Variants in WDR41 observed in about 807,000 individuals in gnomAD.
WDR41 encodes the protein WD repeat-containing protein 41.
Under a neutral mutation model 69.3 loss-of-function variants are expected in WDR41, and 63 were observed. The observed-to-expected ratio is 0.91, with a 90% CI of 0.74 to 1.12. WDR41 has a LOEUF of 1.12. Among genes scored for constraint, WDR41 ranks in the 50% most tolerant of loss-of-function variants. The pLI is 0.00. For synonymous variants in WDR41, 185 were observed against 192.1 expected (o/e 0.96, Z 0.31); for missense variants, 543 against 534.5 (o/e 1.02, Z -0.16).
intron 2 of WDR41, among the ~76,000 whole-genome samples, chr5:77,470,555 A>G (rs1219120976): frequency 2.0e-5 from 3 of 152,178 alleles, no homozygotes; most frequent in Admixed American, 6.5e-5. Flanking sequence ...GGAGACACAC[A>G]TAGGCTCAAA....
At chr5:77,469,814 A>C (rs1800487421) in intron 2 of WDR41, among the ~76,000 whole-genome samples, 1 of 152,194 alleles carries the variant, frequency 6.6e-6, no homozygotes, top group African/African-American at 2.4e-5. Flanking sequence ...GGTGTAACTG[A>C]AAGTGACAGG....
intron 1 of WDR41, among the ~76,000 whole-genome samples, chr5:77,506,118 A>T (rs980505210): frequency 1.3e-5 from 2 of 152,220 alleles, no homozygotes; most frequent in Admixed American, 6.5e-5. Context: ...GAATGCGAGA[A>T]AATTTTTGCA....
chr5:77,514,814 G>GT (rs55645188), intron 1 of WDR41, among the ~76,000 whole-genome samples: 8,219 of 152,220 alleles, frequency 0.054, 364 homozygotes, highest in Admixed American at 0.13. Context: ...GTAGGCAATT[G>GT]TAACACAATG....
intron 1 of WDR41, among the ~76,000 whole-genome samples, chr5:77,615,236 A>G (rs114881307): frequency 0.011 from 1,734 of 152,334 alleles, 33 homozygotes; most frequent in African/African-American, 0.04. Context: ...GACTCAAACT[A>G]ACTCTAAAGA....
chr5:77,526,241 C>G (rs1229798493), intron 1 of WDR41, among the ~76,000 whole-genome samples: 2 of 151,820 alleles, frequency 1.3e-5, no homozygotes, highest in Non-Finnish European at 2.9e-5. Context: ...TATTTTAAGG[C>G]AAATTTCTGA....
At chr5:77,469,979 G>A (rs931943175) in intron 2 of WDR41, among the ~76,000 whole-genome samples, 57 of 151,062 alleles carry the variant, frequency 3.8e-4, no homozygotes, top group Admixed American at 6.6e-4. Flanking sequence ...ATAATTGTCA[G>A]ATTCACCAAA....
chr5:77,544,399 C>A (rs1050843757), intron 1 of WDR41, among the ~76,000 whole-genome samples: 1 of 151,960 alleles, frequency 6.6e-6, no homozygotes, highest in African/African-American at 2.4e-5. Flanking sequence ...AAGAAGTCAC[C>A]AACCATCTGC....
chr5:77,597,865 T>C (rs141437182), intron 1 of WDR41, among the ~76,000 whole-genome samples: 2 of 152,308 alleles, frequency 1.3e-5, no homozygotes, highest in African/African-American at 4.8e-5. Flanking sequence ...CATTTTCTAG[T>C]GATGCTGCAA....
At chr5:77,473,024 T>A (rs1034680803) in intron 2 of WDR41, among the ~76,000 whole-genome samples, 1 of 152,096 alleles carries the variant, frequency 6.6e-6, no homozygotes, top group African/African-American at 2.4e-5. Context: ...CAAATTATAC[T>A]ACAAGGCTAC....
chr5:77,442,988 T>C (rs963908277), intron 8 of WDR41, among the ~76,000 whole-genome samples: 11 of 150,654 alleles, frequency 7.3e-5, no homozygotes, highest in African/African-American at 2.7e-4. Flanking sequence ...CTGCTAGTCT[T>C]ATTTCAAATA....
chr5:77,476,425 A>T (rs1236196989), intron 2 of WDR41, among the ~76,000 whole-genome samples: 1 of 152,022 alleles, frequency 6.6e-6, no homozygotes, highest in Non-Finnish European at 1.5e-5. Context: ...GCCAGAGAGA[A>T]AGGTCGGGTT....
rs754634538 is a variant in WDR41, at chr5:77,433,290, G to A, written c.1228-3C>T. 9.9e-6 allele frequency: 16 copies of A among 1,608,262 alleles called. No individual in the cohort carries two copies. The South Asian group carries it at 1.8e-4, about 18-fold the overall frequency. ...TGATCTTCAAAGTATAGAAACATCTGTAAAGAAAATTAAAACTGATTATAG... is the reference window on the plus strand; with the variant it reads ...TGATCTTCAAAGTATAGAAACATCTATAAAGAAAATTAAAACTGATTATAG... On this transcript the variant is annotated splice_polypyrimidine_tract_variant and splice_region_variant and intron_variant, in intron 12 of 12. Coordinates refer to ENST00000296679, the MANE Select transcript of WDR41 (RefSeq NM_018268.4).
At chr5:77,506,597 T>C (rs1802111734) in intron 1 of WDR41, among the ~76,000 whole-genome samples, 1 of 152,190 alleles carries the variant, frequency 6.6e-6, no homozygotes, top group Non-Finnish European at 1.5e-5. Flanking sequence ...CATATGTTTA[T>C]TGCAGTACTA....
At chr5:77,469,990 G>C (rs945765174) in intron 2 of WDR41, among the ~76,000 whole-genome samples, 4 of 150,868 alleles carry the variant, frequency 2.7e-5, no homozygotes, top group Non-Finnish European at 4.4e-5. Flanking sequence ...ATTCACCAAA[G>C]TTGAAATGAA....
chr5:77,582,297 G>T, intron 1 of WDR41: 2 of 1,353,512 alleles, frequency 1.5e-6, no homozygotes, highest in East Asian at 2.3e-5. Flanking sequence ...CAAGAAAGTA[G>T]ACAATATGCA....
intron 1 of WDR41, among the ~76,000 whole-genome samples, chr5:77,553,243 T>C (rs1743331049): frequency 6.6e-6 from 1 of 152,206 alleles, no homozygotes. Flanking sequence ...AAGTCCAAGA[T>C]TTAATCACCA....
chr5:77,498,299 T>C (rs1022117511), intron 1 of WDR41, among the ~76,000 whole-genome samples: 3 of 151,930 alleles, frequency 2.0e-5, no homozygotes, highest in Admixed American at 1.3e-4. Context: ...CAGAATAGAG[T>C]ACCAAAATAA....
chr5:77,557,583 A>G (rs1374956676), intron 1 of WDR41, among the ~76,000 whole-genome samples: 1 of 152,212 alleles, frequency 6.6e-6, no homozygotes, highest in African/African-American at 2.4e-5. Flanking sequence ...GAGCCACTAG[A>G]ACACTTGTAC....
intron 1 of WDR41, among the ~76,000 whole-genome samples, chr5:77,611,531 C>A (rs1229252084): frequency 1.3e-5 from 2 of 152,236 alleles, no homozygotes; most frequent in African/African-American, 4.8e-5. Flanking sequence ...TACATGGAAA[C>A]TGAACAACCT....
Sources: gnomAD v4.1 joint callset for allele counts (sites outside exome capture counted in the v4.1 genomes callset) on GRCh38, gnomAD v4.1.1 for gene constraint, MANE v1.5 for transcripts, NCBI Gene and HGNC (gene_info 2026-07-23, HGNC 2026-07-21) for gene names.